GOLGB1: variants seen among roughly 807,000 people sequenced by gnomAD.
GOLGB1 encodes golgin subfamily B member 1.
GOLGB1 carries 174 observed loss-of-function variants against 336.9 expected under a neutral mutation model. That is an observed-to-expected ratio of 0.52 (90% CI 0.46 to 0.59). The LOEUF is 0.59. Ranked by LOEUF, GOLGB1 falls within the 20% of genes least tolerant of loss-of-function variation. The pLI is 0.00. For synonymous variants in GOLGB1, 1,208 were observed against 1,289.2 expected (o/e 0.94, Z 1.35); for missense variants, 3,331 against 3,645.3 (o/e 0.91, Z 2.22).
chr3:121,681,605 C>T lies in GOLGB1; in HGVS notation c.8873+82G>A, dbSNP rs1408135676. ...GTGAAGGGTACATAGAAGCTCTCTG[C>T]ACTATTTTCCCAAATCTACAATTAT... On this transcript the variant is annotated intron_variant, in intron 15 of 21. Transcript: ENST00000614479. 6.3e-6 allele frequency: 6 copies of T among 955,246 alleles called. No individual in the cohort carries two copies. The Admixed American group carries it at 7.1e-5, about 11-fold the overall frequency. 59.2% of individuals were successfully genotyped at this position (955,246 alleles called of 1,614,324 possible).
chr3:121,724,895 T>G (rs1485293504), intron 5 of GOLGB1, among the ~76,000 whole-genome samples: 1 of 152,184 alleles, frequency 6.6e-6, no homozygotes, highest in Non-Finnish European at 1.5e-5. Flanking sequence ...TTCTGGTTAG[T>G]GCAAAGCAGC....
intron 1 of GOLGB1, among the ~76,000 whole-genome samples, chr3:121,743,524 G>T (rs1455760129): frequency 6.6e-6 from 1 of 152,154 alleles, no homozygotes; most frequent in Non-Finnish European, 1.5e-5. Flanking sequence ...ATGACGAGTT[G>T]ATGGGTGCAG....
At chr3:121,692,688 A>G (rs1942558321) in intron 13 of GOLGB1, 107 bp from the exon 14 acceptor site, 1 of 628,588 alleles carries the variant, frequency 1.6e-6, no homozygotes, top group Non-Finnish European at 2.7e-6. Flanking sequence ...ATGAATTAAC[A>G]TTCATAACAG....
chr3:121,745,557 C>T (rs1001161705), intron 1 of GOLGB1, among the ~76,000 whole-genome samples: 12 of 147,446 alleles, frequency 8.1e-5, no homozygotes, highest in East Asian at 8.0e-4. Flanking sequence ...CATATGTATA[C>T]GTGTATGTAT....
rs746413569 is a variant in GOLGB1 at position 121,681,757 on chromosome 3, C to T, written c.8803G>A (p.Ala2935Thr). ...AGCTCTTCTTGCATAATCTGAAATG[C>T]TTTTGTCTTATCTTGATACTCCTGA... ...QLQEYQDKTK[A>T]FQIMQEELRQ... is the part of the protein sequence containing the mutation. Residue 2935 changes from alanine to threonine, a missense_variant, in exon 15 of 22, where the codon GCA (alanine) becomes ACA (threonine). Physicochemically the swap from Ala to Thr is moderately conservative, Grantham distance 58 (BLOSUM62 0). Coordinates refer to ENST00000614479, the MANE Select transcript of GOLGB1 (RefSeq NM_001366282.2). 5 of 1,612,210 alleles carry T rather than the reference C, an allele frequency of 3.1e-6. No homozygotes were observed. The African/African-American group carries it at 5.3e-5, about 17-fold the overall frequency.
chr3:121,699,866 A>G lies in GOLGB1; in HGVS notation c.1539T>C (p.Ile513=). The G allele has an allele frequency of 6.2e-7, 1 of 1,600,152 alleles. No individual in the cohort carries two copies. The highest frequency in any genetic ancestry group is 8.6e-7 in the Non-Finnish European group (1 of 1,169,508). The change falls in exon 12 of 22, where the codon ATT becomes ATC. Residue 513 remains isoleucine, a synonymous_variant. Transcript: ENST00000614479. ...KAENEKLSSQ[I]TLLEAQNRTG... ...TTCTATTCTGAGCCTCTAGGAGAGTAATCTGAGAAGACAGTTTTTCTGAAA... is the reference window on the plus strand; with the variant it reads ...TTCTATTCTGAGCCTCTAGGAGAGTGATCTGAGAAGACAGTTTTTCTGAAA...
intron 4 of GOLGB1, among the ~76,000 whole-genome samples, chr3:121,728,226 A>G (rs958028417): frequency 3.9e-5 from 6 of 152,152 alleles, no homozygotes; most frequent in African/African-American, 1.2e-4. Context: ...AAGATTATCA[A>G]TTCAGGGAAA....
At chr3:121,713,594 A>G (rs1018965604) in intron 10 of GOLGB1, among the ~76,000 whole-genome samples, 2 of 152,174 alleles carry the variant, frequency 1.3e-5, no homozygotes, top group Non-Finnish European at 2.9e-5. Flanking sequence ...GTGAAAAATC[A>G]GTAGTTGTCT....
chr3:121,683,566 C>A (rs565204114), intron 14 of GOLGB1, among the ~76,000 whole-genome samples: 40 of 152,248 alleles, frequency 2.6e-4, no homozygotes, highest in African/African-American at 9.4e-4. Context: ...GTCCTACCCA[C>A]AAGGTTTTAG....
chr3:121,695,697 C>G lies in GOLGB1; in HGVS notation c.4826G>C (p.Trp1609Ser). Reference sequence around the variant, plus strand: ...TTGTAGCTCCTTGTGTTTCTCTTGCCACTCAGTACTTTCTGCAATCTTAGA... The same window carrying G: ...TTGTAGCTCCTTGTGTTTCTCTTGCGACTCAGTACTTTCTGCAATCTTAGA... ...KSSKIAESTE[W>S]QEKHKELQKE... The change falls in exon 13 of 22, where the codon TGG becomes TCG. Residue 1609 changes from tryptophan (W) to serine (S), a missense_variant. Physicochemically the swap from Trp to Ser is radical, Grantham distance 177. Coordinates refer to ENST00000614479, the MANE Select transcript of GOLGB1 (RefSeq NM_001366282.2). The G allele has an allele frequency of 6.2e-7, 1 of 1,611,752 alleles. No homozygotes were observed. The highest frequency in any genetic ancestry group is 8.5e-7 in the Non-Finnish European group (1 of 1,179,950).
chr3:121,727,908 G>C (rs1258116030), intron 4 of GOLGB1, among the ~76,000 whole-genome samples: 1 of 152,200 alleles, frequency 6.6e-6, no homozygotes, highest in Non-Finnish European at 1.5e-5. Context: ...TGCTATGACT[G>C]ATTGCTGAAA....
intron 10 of GOLGB1, among the ~76,000 whole-genome samples, chr3:121,705,319 T>C (rs1210924515): frequency 2.0e-5 from 3 of 152,240 alleles, no homozygotes; most frequent in Admixed American, 1.3e-4. Flanking sequence ...ACCCAATAGA[T>C]GACTTTTGCT....
chr3:121,706,840 G>A (rs1943899447), intron 10 of GOLGB1, among the ~76,000 whole-genome samples: 1 of 149,808 alleles, frequency 6.7e-6, no homozygotes, highest in Non-Finnish European at 1.5e-5. Context: ...AACTTTCAAT[G>A]TAGAATTCTA....
chr3:121,728,800 T>C (rs1379192655), intron 4 of GOLGB1, among the ~76,000 whole-genome samples: 1 of 152,198 alleles, frequency 6.6e-6, no homozygotes, highest in Non-Finnish European at 1.5e-5. Context: ...TGTTAAGTCA[T>C]TGAATTAAAA....
chr3:121,675,002 A>AT lies in GOLGB1; in HGVS notation c.9177+1890dup, dbSNP rs1311838222. On this transcript the variant is annotated intron_variant, in intron 17 of 21. Coordinates refer to ENST00000614479, the MANE Select transcript of GOLGB1 (RefSeq NM_001366282.2). The stretch of plus-strand genomic sequence containing the variant: ...AGGCGCCCGCCACCGCGCCCGGCTA[A>AT]TTTTTTTGTATTTTTAGTAGAGACG... Among the ~76,000 whole-genome samples the AT allele has an allele frequency of 1.0e-4, 15 of 149,554 alleles. No homozygotes were observed. In the East Asian group the frequency reaches 2.4e-3, roughly 23 times the overall value.
In GOLGB1 at chr3:121,706,941, G is replaced by A. The variant is rs1263854953; in HGVS notation, c.1405-4346C>T. 4.0e-5 allele frequency among the ~76,000 whole-genome samples: 6 copies of A among 151,534 alleles called. No individual in the cohort carries two copies. In the South Asian group the frequency reaches 6.2e-4, roughly 16 times the overall value. On this transcript the variant is annotated intron_variant, in intron 10 of 21. Coordinates refer to ENST00000614479, the MANE Select transcript of GOLGB1 (RefSeq NM_001366282.2). ...TTAGAACCCATGACTGGCCAGGCAC[G>A]GTGACTCACACCTGCAATCCCAGCA...
Position 121,698,744 on chromosome 3 carries a change from T to C in GOLGB1, c.1779A>G (p.Ala593=), listed in dbSNP as rs1302917908. ...LQLQGKRAEE[A]DHEVLDQKEM... is the part of the protein sequence containing the mutation. ...CTTTCTGGTCAAGGACCTCATGATC[T>C]GCTTCCTCAGCCCTTTTTCCCTGGA... Residue 593 remains alanine, a synonymous_variant, in exon 13 of 22, where the codon GCA becomes GCG. Transcript: ENST00000614479. 2 of 1,613,592 alleles carry C rather than the reference T, an allele frequency of 1.2e-6. No individual in the cohort carries two copies. Among genetic ancestry groups the C allele is most frequent in the Admixed American group, 3.3e-5 (2 of 59,988 alleles).
Position 121,697,563 on chromosome 3 carries a change from T to G in GOLGB1, c.2960A>C (p.Asp987Ala). 6.2e-7 allele frequency: 1 copy of G among 1,613,768 alleles called. No individual in the cohort carries two copies. Among genetic ancestry groups the G allele is most frequent in the Non-Finnish European group, 8.5e-7 (1 of 1,179,916 alleles). Residue 987 changes from aspartate to alanine, a missense_variant, in exon 13 of 22, where the codon GAC becomes GCC. By Grantham distance (126) the Asp-to-Ala change is moderately radical. Transcript: ENST00000614479. The part of the protein sequence containing the change: ...ISKEELQHEF[D>A]LLKKENEQRK... ...CTGCTCATTTTCTTTCTTCAGAAGG[T>G]CAAATTCATGCTGAAGTTCTTCCTT...
At chr3:121,727,293 C>CACAT (rs1469055493) in intron 4 of GOLGB1, among the ~76,000 whole-genome samples, 39 of 27,582 alleles carry the variant, frequency 1.4e-3, no homozygotes, top group African/African-American at 3.6e-3. Context: ...CACACACACA[C>CACAT]ATATATATAT....
Sources: allele counts gnomAD v4.1 joint callset (sites outside exome capture counted in the v4.1 genomes callset), GRCh38; gene constraint gnomAD v4.1.1; transcripts MANE v1.5; gene names NCBI Gene and HGNC (gene_info 2026-07-23, HGNC 2026-07-21).